The following RASGRF2 variants were observed in gnomAD, a reference collection of about 807,000 sequenced individuals.
RASGRF2 encodes the protein ras-specific guanine nucleotide-releasing factor 2.
In RASGRF2, 76 loss-of-function variants were observed where a neutral mutation model predicts 151.0. The observed-to-expected ratio is 0.50, with a 90% CI of 0.42 to 0.61. The LOEUF is 0.61. Ranked by LOEUF, RASGRF2 falls within the 20% of genes least tolerant of loss-of-function variation. RASGRF2 has a pLI of 0.00. For missense variants in RASGRF2, 1,148 were observed against 1,564.6 expected (o/e 0.73, Z 4.49); for synonymous variants, 504 against 566.5 (o/e 0.89, Z 1.57).
chr5:81,080,800 T>A lies in RASGRF2; in HGVS notation c.1161+11T>A, dbSNP rs1348155098. On this transcript the variant is annotated intron_variant, in intron 7 of 26. Transcript: ENST00000265080. ...TATCCCATGTTTCAGGTAAGTCACT[T>A]GGGATGCATTTTGTAAGTCAGAGTT... 6.2e-7 allele frequency: 1 copy of A among 1,609,272 alleles called. No individual in the cohort carries two copies.
At position 81,113,735 on chromosome 5, in the gene RASGRF2, C is replaced by G. The variant is rs751783121; in HGVS notation, c.2285C>G (p.Thr762Ser). ...AAGATAGGAGCATTGGACCTGACAA[C>G]TTCCAGCAGTCCCACCACCACCACC... ...NSKIGALDLTTSSSPTTTTQS... is the reference protein window; with the variant it reads ...NSKIGALDLTSSSSPTTTTQS... Residue 762 changes from threonine (T) to serine (S), a missense_variant, in exon 15 of 27, where the codon ACT becomes AGT. Thr to Ser is a moderately conservative substitution (Grantham distance 58, BLOSUM62 1). Transcript: ENST00000265080. The G allele has an allele frequency of 6.2e-7, 1 of 1,614,126 alleles. No individual in the cohort carries two copies. The highest frequency in any genetic ancestry group is 2.2e-5 in the East Asian group (1 of 44,876).
intron 1 of RASGRF2, among the ~76,000 whole-genome samples, chr5:81,026,145 A>G (rs1314029542): frequency 1.1e-5 from 1 of 90,094 alleles, no homozygotes; most frequent in African/African-American, 4.3e-5. Context: ...TCTCCCTTCC[A>G]TCCTTCCTCC....
intron 1 of RASGRF2, among the ~76,000 whole-genome samples, chr5:80,993,849 C>T (rs1037288763): frequency 1.1e-4 from 17 of 152,218 alleles, no homozygotes; most frequent in Middle Eastern, 3.4e-3. Flanking sequence ...TGATGGTGGC[C>T]GCTGTGGGTC....
At chr5:81,098,556 G>A (rs1351795933) in intron 12 of RASGRF2, among the ~76,000 whole-genome samples, 1 of 152,326 alleles carries the variant, frequency 6.6e-6, no homozygotes, top group East Asian at 1.9e-4. Flanking sequence ...ACAGCCAAGA[G>A]GACATGGTGT....
chr5:80,996,641 C>T (rs1748893779), intron 1 of RASGRF2, among the ~76,000 whole-genome samples: 1 of 144,800 alleles, frequency 6.9e-6, no homozygotes, highest in Non-Finnish European at 1.5e-5. Flanking sequence ...GTCCTGTCGC[C>T]CAGGCTGAAG....
chr5:80,988,346 C>G (rs192586335), intron 1 of RASGRF2, among the ~76,000 whole-genome samples: 1 of 152,082 alleles, frequency 6.6e-6, no homozygotes, highest in African/African-American at 2.4e-5. Context: ...CCACCACACC[C>G]GGCCTATCAT....
chr5:81,216,398 CGCAG>C (rs1410182580), intron 24 of RASGRF2, among the ~76,000 whole-genome samples: 5 of 147,254 alleles, frequency 3.4e-5, no homozygotes, highest in East Asian at 2.0e-4. Flanking sequence ...CACACACACA[CGCAG>C]AGAGAGAGAG....
intron 17 of RASGRF2, among the ~76,000 whole-genome samples, chr5:81,172,644 C>T (rs1379270): frequency 0.58 from 87,777 of 152,012 alleles, 27,946 homozygotes; most frequent in East Asian, 0.79. Context: ...GCCAATGACA[C>T]CCTTAAGAAA....
chr5:81,101,542 C>T (rs550406448), intron 12 of RASGRF2, among the ~76,000 whole-genome samples: 1 of 151,808 alleles, frequency 6.6e-6, no homozygotes, highest in East Asian at 1.9e-4. Context: ...GGGATGGGAA[C>T]TCATTTTGAA....
chr5:81,198,250 C>A (rs557804338), intron 18 of RASGRF2, among the ~76,000 whole-genome samples: 1 of 152,052 alleles, frequency 6.6e-6, no homozygotes, highest in East Asian at 1.9e-4. Context: ...GGAAGTTTTC[C>A]AGCCCTTGCC....
intron 17 of RASGRF2, among the ~76,000 whole-genome samples, chr5:81,150,616 A>C (rs1754111417): frequency 2.0e-5 from 3 of 152,194 alleles, no homozygotes; most frequent in Admixed American, 2.0e-4. Flanking sequence ...ACTTATGTGC[A>C]TGCATGTATG....
chr5:81,103,784 T>A (rs1752768199), intron 12 of RASGRF2, among the ~76,000 whole-genome samples: 1 of 152,186 alleles, frequency 6.6e-6, no homozygotes, highest in Non-Finnish European at 1.5e-5. Flanking sequence ...ATGGTCACTG[T>A]ATCTTTGTTA....
chr5:81,214,694 C>A (rs1269882391), intron 23 of RASGRF2, among the ~76,000 whole-genome samples: 2 of 152,200 alleles, frequency 1.3e-5, no homozygotes, highest in Non-Finnish European at 2.9e-5. Flanking sequence ...GACCCTCAAC[C>A]TGGGCATTCC....
At chr5:81,122,468 C>G (rs1211633720) in intron 15 of RASGRF2, among the ~76,000 whole-genome samples, 1 of 152,168 alleles carries the variant, frequency 6.6e-6, no homozygotes, top group African/African-American at 2.4e-5. Context: ...ATTTCCTTTT[C>G]CTGGCCCCTT....
chr5:81,034,665 T>G (rs904045088), intron 1 of RASGRF2, among the ~76,000 whole-genome samples: 113 of 151,286 alleles, frequency 7.5e-4, no homozygotes, highest in African/African-American at 2.6e-3. Flanking sequence ...TGGATGAAAT[T>G]GGAAATCATC....
intron 18 of RASGRF2, among the ~76,000 whole-genome samples, chr5:81,184,516 G>C (rs1471217239): frequency 1.3e-5 from 2 of 152,136 alleles, no homozygotes; most frequent in African/African-American, 4.8e-5. Flanking sequence ...CCATTTATTC[G>C]AGGAATTTCA....
chr5:81,102,292 G>A (rs1475430933), intron 12 of RASGRF2, among the ~76,000 whole-genome samples: 1 of 152,200 alleles, frequency 6.6e-6, no homozygotes, highest in East Asian at 1.9e-4. Flanking sequence ...TTGAAAGGGT[G>A]TTCTCTTTGT....
chr5:81,129,479 A>G (rs935673935), intron 17 of RASGRF2, among the ~76,000 whole-genome samples: 4 of 152,156 alleles, frequency 2.6e-5, no homozygotes, highest in Admixed American at 2.0e-4. Context: ...CATTTTGCAA[A>G]TTGACCACAT....
rs906706805 is a variant in RASGRF2 at position 81,200,522 on chromosome 5, A to G, written c.2794-808A>G. On this transcript the variant is annotated intron_variant, in intron 18 of 26. Transcript: ENST00000265080. ...TCTGTGTCATTCTTTAGCTCTTAGC[A>G]TATCTATATTGATGTAGATATAGAT... Among the ~76,000 whole-genome samples the G allele has an allele frequency of 6.6e-5, 10 of 152,186 alleles. No homozygotes were observed. The East Asian group carries it at 7.7e-4, about 12-fold the overall frequency.
Sources: gnomAD v4.1 joint callset for allele counts (sites outside exome capture counted in the v4.1 genomes callset) on GRCh38, gnomAD v4.1.1 for gene constraint, MANE v1.5 for transcripts, NCBI Gene and HGNC (gene_info 2026-07-23, HGNC 2026-07-21) for gene names.